SYCP1: variants seen among roughly 807,000 people sequenced by gnomAD.
The protein encoded by SYCP1 is cancer/testis antigen 8.
In SYCP1, 64 loss-of-function variants were observed where a neutral mutation model predicts 153.1. The ratio of observed to expected loss-of-function variants is 0.42; its 90% CI spans 0.34 to 0.51. The LOEUF is 0.51. Among genes scored for constraint, SYCP1 ranks in the 20% least tolerant of loss-of-function variants. The pLI, the probability that SYCP1 is intolerant of heterozygous loss-of-function variation, is 0.06. For missense variants in SYCP1, 997 were observed against 1,049.0 expected (o/e 0.95, Z 0.68); for synonymous variants, 384 against 341.8 (o/e 1.12, Z -1.36).
chr1:114,898,758 G>C (rs958976530), intron 16 of SYCP1, among the ~76,000 whole-genome samples: 1 of 152,158 alleles, frequency 6.6e-6, no homozygotes, highest in Non-Finnish European at 1.5e-5. Context: ...AGTACAGCAA[G>C]AATAACTATT....
chr1:114,969,942 C>A (rs1452402206), intron 27 of SYCP1, among the ~76,000 whole-genome samples: 1 of 152,168 alleles, frequency 6.6e-6, no homozygotes, highest in African/African-American at 2.4e-5. Context: ...GCAACACCCA[C>A]CCCTGCTTCT....
intron 23 of SYCP1, among the ~76,000 whole-genome samples, chr1:114,932,607 G>A (rs1434935622): frequency 1.3e-5 from 2 of 152,180 alleles, no homozygotes; most frequent in African/African-American, 2.4e-5. Flanking sequence ...GTAGGGCATC[G>A]CCTCACCTGG....
intron 23 of SYCP1, among the ~76,000 whole-genome samples, chr1:114,927,392 C>G (rs1490503046): frequency 1.3e-5 from 2 of 151,308 alleles, no homozygotes; most frequent in African/African-American, 2.4e-5. Flanking sequence ...AAAAATCAGT[C>G]AATAAAAAAT....
At chr1:114,966,550 G>T (rs1672140484) in intron 27 of SYCP1, among the ~76,000 whole-genome samples, 1 of 152,004 alleles carries the variant, frequency 6.6e-6, no homozygotes, top group African/African-American at 2.4e-5. Flanking sequence ...TTGTGTGTTT[G>T]TTCTCAATGG....
At chr1:114,899,799 G>A (rs1357239622) in intron 16 of SYCP1, among the ~76,000 whole-genome samples, 1 of 152,114 alleles carries the variant, frequency 6.6e-6, no homozygotes, top group Non-Finnish European at 1.5e-5. Context: ...GCAATCCTAT[G>A]TAAGTAAACA....
intron 23 of SYCP1, among the ~76,000 whole-genome samples, chr1:114,932,124 A>C (rs1176504350): frequency 1.3e-5 from 2 of 152,200 alleles, no homozygotes; most frequent in African/African-American, 4.8e-5. Flanking sequence ...AAAACGTAGG[A>C]GGGTACTTTC....
chr1:114,988,091 AAAAAAGAAAAAG>A (rs1673651592), intron 30 of SYCP1, among the ~76,000 whole-genome samples: 1 of 148,438 alleles, frequency 6.7e-6, no homozygotes, highest in Non-Finnish European at 1.5e-5. Context: ...AAAAAAAAAA[AAAAAAGAAAAAG>A]AAAAGAAAAG....
At position 114,969,785 on chromosome 1, in the gene SYCP1, A is replaced by G. The variant is rs188630433; in HGVS notation, c.2323-7772A>G. Among the ~76,000 whole-genome samples the G allele has an allele frequency of 2.4e-4, 37 of 152,240 alleles. 1 individual carries two copies. In the Middle Eastern group the frequency reaches 0.014, roughly 56 times the overall value. On this transcript the variant is annotated intron_variant, in intron 27 of 31. Coordinates refer to ENST00000369522, the MANE Select transcript of SYCP1 (RefSeq NM_003176.4). Reference sequence around the variant, plus strand: ...AGGGCCCTGGTTGTGTAGGCACCCAATGGAATCTCCTGGTCTGTGGGTTGC... The same window carrying G: ...AGGGCCCTGGTTGTGTAGGCACCCAGTGGAATCTCCTGGTCTGTGGGTTGC...
chr1:114,878,158 T>C lies in SYCP1; in HGVS notation c.866T>C (p.Leu289Pro). ...ENKMKDLTFL[L>P]EESRDKVNQL... ...AAAATGAAAGATTTAACATTTCTGC[T>C]AGAGGAATCCAGAGATAAAGTTAAT... is the stretch of plus-strand genomic sequence containing the variant. Residue 289 changes from leucine to proline, a missense_variant, in exon 12 of 32, where the codon CTA becomes CCA. Transcript: ENST00000369522. 6.3e-7 allele frequency: 1 copy of C among 1,589,906 alleles called. No individual in the cohort carries two copies. Among genetic ancestry groups the C allele is most frequent in the Non-Finnish European group, 8.6e-7 (1 of 1,161,468 alleles).
chr1:114,882,005 G>T (rs1160513433), intron 12 of SYCP1, among the ~76,000 whole-genome samples: 1 of 152,076 alleles, frequency 6.6e-6, no homozygotes, highest in African/African-American at 2.4e-5. Context: ...TTCAGATATT[G>T]TATTTGCTCT....
At chr1:114,863,415 T>C (rs1310978382) in intron 8 of SYCP1, among the ~76,000 whole-genome samples, 1 of 152,034 alleles carries the variant, frequency 6.6e-6, no homozygotes, top group Non-Finnish European at 1.5e-5. Flanking sequence ...TAGCTGGGCA[T>C]GATGGCACGC....
intron 16 of SYCP1, among the ~76,000 whole-genome samples, chr1:114,904,076 C>G (rs1411956093): frequency 6.6e-6 from 1 of 151,030 alleles, no homozygotes; most frequent in Non-Finnish European, 1.5e-5. Flanking sequence ...ATTCTAGTTC[C>G]TTTACATTTC....
At chr1:114,954,747 A>G (rs141551100) in intron 27 of SYCP1, among the ~76,000 whole-genome samples, 56 of 152,042 alleles carry the variant, frequency 3.7e-4, no homozygotes, top group Non-Finnish European at 7.7e-4. Context: ...TGCCCAGCTA[A>G]TTTTTGTCTT....
At position 114,895,549 on chromosome 1, in the gene SYCP1, T is replaced by C. The variant is rs1332388108; in HGVS notation, c.1320+40T>C. The stretch of plus-strand genomic sequence containing the variant: ...TCCTATTAATATATAGCAATTACTT[T>C]TCAGAAGAATATTGAATCCCTTAAC... On this transcript the variant is annotated intron_variant, in intron 16 of 31. Transcript: ENST00000369522. 3 of 1,106,484 alleles carry C rather than the reference T, an allele frequency of 2.7e-6. No individual in the cohort carries two copies. In the African/African-American group the frequency reaches 4.8e-5, roughly 18 times the overall value. The allele number at this position is 1,106,484 out of a possible 1,614,324, so 68.5% of individuals were successfully genotyped here. A position where few individuals can be genotyped will look rare whatever the true frequency, so the allele number is the denominator to read the frequency against.
rs766198039 is a variant in SYCP1, at chr1:114,913,114, G to T, written c.1611G>T (p.Met537Ile). ...AGCTCACACAGGAAACAAGTGATATGACCCTAGAACTCAAGAATCAGCAAG... is the reference window on the plus strand; with the variant it reads ...AGCTCACACAGGAAACAAGTGATATTACCCTAGAACTCAAGAATCAGCAAG... ...NKELTQETSD[M>I]TLELKNQQED... is the part of the protein sequence containing the mutation. The change falls in exon 19 of 32, where the codon ATG (methionine) becomes ATT (isoleucine). Residue 537 changes from methionine to isoleucine, a missense_variant. Met to Ile is a conservative substitution (Grantham distance 10). This residue lies in a region of SYCP1 where 712 missense variants were observed against 682.9 expected (regional missense o/e 1.04). Transcript: ENST00000369522. The T allele has an allele frequency of 6.2e-7, 1 of 1,612,180 alleles. No individual in the cohort carries two copies. Among genetic ancestry groups the T allele is most frequent in the African/African-American group, 1.3e-5 (1 of 74,904 alleles).
chr1:114,954,821 C>T (rs1397516667), intron 27 of SYCP1, among the ~76,000 whole-genome samples: 5 of 152,206 alleles, frequency 3.3e-5, no homozygotes, highest in South Asian at 2.1e-4. Context: ...CCTCGCGATC[C>T]GCCTGCCTCG....
intron 8 of SYCP1, chr1:114,862,980 C>G (rs906173950): frequency 3.3e-5 from 5 of 152,080 alleles, no homozygotes; most frequent in African/African-American, 1.2e-4. Flanking sequence ...TCTACTCTTA[C>G]AAGAGTGTAT....
At chr1:114,892,602 G>T (rs1666792486) in intron 15 of SYCP1, among the ~76,000 whole-genome samples, 1 of 152,118 alleles carries the variant, frequency 6.6e-6, no homozygotes, top group Non-Finnish European at 1.5e-5. Flanking sequence ...CCTTCTGCTG[G>T]GGTGACATGG....
chr1:114,857,619 C>T (rs1664096000), intron 5 of SYCP1, 122 bp downstream of exon 5: 1 of 709,896 alleles, frequency 1.4e-6, no homozygotes, highest in African/African-American at 1.8e-5. Flanking sequence ...AAGATATATC[C>T]TTTAAAACCT....
Sources: gnomAD v4.1 joint callset for allele counts (sites outside exome capture counted in the v4.1 genomes callset) on GRCh38, gnomAD v4.1.1 for gene constraint, gnomAD v4.1.1 regional missense constraint, MANE v1.5 for transcripts, NCBI Gene and HGNC (gene_info 2026-07-23, HGNC 2026-07-21) for gene names.